FGF2: variants seen among roughly 807,000 people sequenced by gnomAD.
The protein encoded by FGF2 is fibroblast growth factor 2.
A neutral mutation model predicts 15.9 loss-of-function variants in FGF2; 13 were observed. That is an observed-to-expected ratio of 0.82 (90% CI 0.53 to 1.30). FGF2 has a LOEUF of 1.30. Among genes scored for constraint, FGF2 ranks in the 50% most tolerant of loss-of-function variants. The pLI, the probability that FGF2 is intolerant of heterozygous loss-of-function variation, is 0.00. For synonymous variants in FGF2, 90 were observed against 78.4 expected (o/e 1.15, Z -0.78); for missense variants, 163 against 196.9 (o/e 0.83, Z 1.03).
intron 1 of FGF2, among the ~76,000 whole-genome samples, chr4:122,841,594 A>C (rs1047058858): frequency 2.6e-5 from 4 of 152,048 alleles, no homozygotes; most frequent in African/African-American, 7.2e-5. Flanking sequence ...CCTCTAAAAG[A>C]AAAAAAATAA....
rs1274394999 is a variant in FGF2 at position 122,896,703 on chromosome 4, A to G, written c.*4307A>G. 6.6e-6 allele frequency: 1 copy of G among 152,228 alleles called. No individual in the cohort carries two copies. Among genetic ancestry groups the G allele is most frequent in the Non-Finnish European group, 1.5e-5 (1 of 68,034 alleles). 9.4% of individuals were successfully genotyped at this position (152,228 alleles called of 1,614,324 possible). On this transcript the variant is annotated 3_prime_UTR_variant, in exon 3 of 3. Transcript: ENST00000644866. ...TCTGATGGATTGTTACGAGTTGGCT[A>G]TATAATGTATGTATGGTATTTTGAT...
Position 122,827,265 on chromosome 4 carries a change from C to A in FGF2, c.91C>A (p.Arg31=). Residue 31 remains arginine, a synonymous_variant, in exon 1 of 3, where the codon CGG becomes AGG. Coordinates refer to ENST00000644866, the MANE Select transcript of FGF2 (RefSeq NM_001361665.2). The surrounding 1 kb of genome is among the most constrained non-coding windows in gnomAD (Gnocchi z 4.2). ...FPPGHFKDPK[R]LYCKNGGFFL... is the part of the protein sequence containing the mutation. ...GCCCGGCCACTTCAAGGACCCCAAG[C>A]GGCTGTACTGCAAAAACGGGGGCTT... is the stretch of plus-strand genomic sequence containing the variant. 6.2e-7 allele frequency: 1 copy of A among 1,612,700 alleles called. No homozygotes were observed. Among genetic ancestry groups the A allele is most frequent in the Non-Finnish European group, 8.5e-7 (1 of 1,179,822 alleles).
At chr4:122,844,634 CCTTT>C (rs928580690) in intron 1 of FGF2, among the ~76,000 whole-genome samples, 4 of 122,916 alleles carry the variant, frequency 3.3e-5, no homozygotes, top group South Asian at 2.7e-4. Flanking sequence ...TTCCTTTCTT[CCTTT>C]CTTTCTTTCT....
intron 1 of FGF2, among the ~76,000 whole-genome samples, chr4:122,851,314 T>C (rs1726227074): frequency 6.6e-6 from 1 of 152,172 alleles, no homozygotes; most frequent in Non-Finnish European, 1.5e-5. Flanking sequence ...CCAGACTAGA[T>C]GATTTCTCAG....
At chr4:122,836,206 TCA>T (rs1395792795) in intron 1 of FGF2, among the ~76,000 whole-genome samples, 1 of 152,230 alleles carries the variant, frequency 6.6e-6, no homozygotes, top group Non-Finnish European at 1.5e-5. Flanking sequence ...GCATCTATCC[TCA>T]CACACAGTGG....
chr4:122,838,358 T>C (rs1454987140), intron 1 of FGF2, among the ~76,000 whole-genome samples: 1 of 152,210 alleles, frequency 6.6e-6, no homozygotes, highest in Non-Finnish European at 1.5e-5. Context: ...CAAGTACTTA[T>C]TGAATGAATG....
chr4:122,845,758 T>C (rs1560740862), intron 1 of FGF2, among the ~76,000 whole-genome samples: 2 of 152,260 alleles, frequency 1.3e-5, no homozygotes, highest in South Asian at 4.1e-4. Context: ...CATGAGGGAA[T>C]GTTGTGGCTG....
In FGF2 at chr4:122,827,277, A is replaced by C; in HGVS notation, c.103A>C (p.Lys35Gln). The C allele has an allele frequency of 6.2e-7, 1 of 1,612,730 alleles. No homozygotes were observed. The highest frequency in any genetic ancestry group is 1.1e-5 in the South Asian group (1 of 91,040). ...CAAGGACCCCAAGCGGCTGTACTGC[A>C]AAAACGGGGGCTTCTTCCTGCGCAT... ...HFKDPKRLYC[K>Q]NGGFFLRIHP... The change falls in exon 1 of 3, where the codon AAA (lysine) becomes CAA (glutamine). Residue 35 changes from lysine to glutamine, a missense_variant. Physicochemically the swap from Lys to Gln is moderately conservative, Grantham distance 53. Coordinates refer to ENST00000644866, the MANE Select transcript of FGF2 (RefSeq NM_001361665.2). This position sits in a 1 kb window ranked among gnomAD's most constrained non-coding sequence, Gnocchi z 4.2.
chr4:122,895,882 A>G lies in FGF2; in HGVS notation c.*3486A>G, dbSNP rs554173630. On this transcript the variant is annotated 3_prime_UTR_variant, in exon 3 of 3. Coordinates refer to ENST00000644866, the MANE Select transcript of FGF2 (RefSeq NM_001361665.2). ...CCTAAAGTACATTGCATGTTTTCCT[A>G]AATACAGAGTTTAAATAATTTCAGT... The G allele has an allele frequency of 6.6e-6, 1 of 152,400 alleles. No individual in the cohort carries two copies. Among genetic ancestry groups the G allele is most frequent in the South Asian group, 2.1e-4 (1 of 4,830 alleles). The allele number at this position is 152,400 out of a possible 1,614,324, so 9.4% of individuals were successfully genotyped here.
In FGF2 at chr4:122,827,045, C is replaced by A. The variant is rs559642032; in HGVS notation, c.-130C>A. Reference sequence around the variant, plus strand: ...GCGGGCGCGGCCGCGCGCTGCCGGGCGGGAGGCTGGGGGGCCGGGGCCGGG... The same window carrying A: ...GCGGGCGCGGCCGCGCGCTGCCGGGAGGGAGGCTGGGGGGCCGGGGCCGGG... On this transcript the variant is annotated 5_prime_UTR_variant, in exon 1 of 3. Transcript: ENST00000644866. This position sits in a 1 kb window ranked among gnomAD's most constrained non-coding sequence, Gnocchi z 4.2. 1.8e-6 allele frequency: 2 copies of A among 1,136,212 alleles called. No homozygotes were observed. Among genetic ancestry groups the A allele is most frequent in the Non-Finnish European group, 1.1e-6 (1 of 928,262 alleles). 70.4% of individuals were successfully genotyped at this position (1,136,212 alleles called of 1,614,324 possible).
In FGF2 at chr4:122,896,181, C is replaced by CT. The variant is rs3840102; in HGVS notation, c.*3798dup. ...TGAGTTGTTGTGACAACCACAAGCA[C>CT]TTTTTTTTTTTTTAAAGAAAAAAAG... On this transcript the variant is annotated 3_prime_UTR_variant, in exon 3 of 3. Coordinates refer to ENST00000644866, the MANE Select transcript of FGF2 (RefSeq NM_001361665.2). 1,696 of 144,928 alleles carry CT rather than the reference C, an allele frequency of 0.012. 21 individuals carry two copies. The highest frequency in any genetic ancestry group is 0.032 in the African/African-American group (1,281 of 39,448). 9.0% of individuals were successfully genotyped at this position (144,928 alleles called of 1,614,324 possible).
intron 1 of FGF2, among the ~76,000 whole-genome samples, chr4:122,867,026 A>G (rs769371140): frequency 1.4e-4 from 22 of 152,246 alleles, no homozygotes; most frequent in Non-Finnish European, 3.1e-4. Context: ...ACATGCTACA[A>G]CATGCATAAA....
At chr4:122,829,697 C>T (rs1203406227) in intron 1 of FGF2, among the ~76,000 whole-genome samples, 1 of 152,120 alleles carries the variant, frequency 6.6e-6, no homozygotes, top group Non-Finnish European at 1.5e-5. Flanking sequence ...CCTGTCCCTC[C>T]CCAACTTCCC....
At chr4:122,853,224 G>A (rs1429295668) in intron 1 of FGF2, among the ~76,000 whole-genome samples, 1 of 152,166 alleles carries the variant, frequency 6.6e-6, no homozygotes, top group Non-Finnish European at 1.5e-5. Flanking sequence ...CTGGAGCCAG[G>A]GAAGTTGAGG....
chr4:122,889,322 ACTTT>A (rs988741644), intron 2 of FGF2, among the ~76,000 whole-genome samples: 5 of 152,194 alleles, frequency 3.3e-5, no homozygotes, highest in Admixed American at 1.3e-4. Flanking sequence ...CTTAGAAGCC[ACTTT>A]CTTTGTGGTG....
At chr4:122,855,728 C>T (rs1369981693) in intron 1 of FGF2, among the ~76,000 whole-genome samples, 3 of 152,172 alleles carry the variant, frequency 2.0e-5, no homozygotes, top group African/African-American at 7.2e-5. Flanking sequence ...AAAGAAATGT[C>T]AGGTGACCAA....
intron 1 of FGF2, among the ~76,000 whole-genome samples, chr4:122,866,872 T>C (rs9996546): frequency 0.14 from 21,278 of 152,258 alleles, 1,617 homozygotes; most frequent in Middle Eastern, 0.22. Context: ...CACAAAATCT[T>C]GTCTACGAAT....
chr4:122,897,875 C>A lies in FGF2; in HGVS notation c.*5479C>A, dbSNP rs1464740467. On this transcript the variant is annotated 3_prime_UTR_variant, in exon 3 of 3. Coordinates refer to ENST00000644866, the MANE Select transcript of FGF2 (RefSeq NM_001361665.2). Reference sequence around the variant, plus strand: ...TGGGGGAGCTGGTAACTGATGAAATCTTTTCCCACCTTTTCTCTTCAGGAA... The same window carrying A: ...TGGGGGAGCTGGTAACTGATGAAATATTTTCCCACCTTTTCTCTTCAGGAA... 3 of 560,688 alleles carry A rather than the reference C, an allele frequency of 5.4e-6. No individual in the cohort carries two copies. Among genetic ancestry groups the A allele is most frequent in the Non-Finnish European group, 9.6e-6 (3 of 311,096 alleles). The allele number at this position is 560,688 out of a possible 1,614,324, so 34.7% of individuals were successfully genotyped here.
At position 122,826,908 on chromosome 4, in the gene FGF2, C is replaced by A; in HGVS notation, c.-267C>A. On this transcript the variant is annotated 5_prime_UTR_variant, in exon 1 of 3. Coordinates refer to ENST00000644866, the MANE Select transcript of FGF2 (RefSeq NM_001361665.2). Reference sequence around the variant, plus strand: ...AGCTTGGGAGGCGGCTCTCCCCAGGCGGCGTCCGCGGAGACACCCATCCGT... The same window carrying A: ...AGCTTGGGAGGCGGCTCTCCCCAGGAGGCGTCCGCGGAGACACCCATCCGT... The A allele has an allele frequency of 6.7e-7, 1 of 1,501,460 alleles. No individual in the cohort carries two copies. Among genetic ancestry groups the A allele is most frequent in the Non-Finnish European group, 8.9e-7 (1 of 1,127,160 alleles). 93.0% of individuals were successfully genotyped at this position (1,501,460 alleles called of 1,614,324 possible).
Sources: allele counts gnomAD v4.1 joint callset (sites outside exome capture counted in the v4.1 genomes callset), GRCh38; gene constraint gnomAD v4.1.1; non-coding constraint Gnocchi (gnomAD v3.1); transcripts MANE v1.5; gene names NCBI Gene and HGNC (gene_info 2026-07-23, HGNC 2026-07-21).